TPTE2: variants seen among roughly 807,000 people sequenced by gnomAD.
TPTE2 encodes transmembrane phosphoinositide 3-phosphatase and tensin homolog 2, also known as phosphatidylinositol 3,4,5-trisphosphate 3-phosphatase TPTE2.
Under a neutral mutation model 78.6 loss-of-function variants are expected in TPTE2, and 53 were observed. The observed-to-expected ratio is 0.67, with a 90% CI of 0.54 to 0.85. TPTE2 has a LOEUF of 0.85. Among genes scored for constraint, TPTE2 ranks in the 40% least tolerant of loss-of-function variants. The pLI is 0.00. For missense variants in TPTE2, 461 were observed against 623.0 expected (o/e 0.74, Z 2.77); for synonymous variants, 175 against 206.2 (o/e 0.85, Z 1.30).
chr13:19,426,562 G>C (rs4408395), intron 17 of TPTE2, 45 bp from the exon 21 acceptor site: 1,141,079 of 1,204,942 alleles, frequency 0.95, 543,897 homozygotes, highest in East Asian at 1. Flanking sequence ...CCTAGATAAC[G>C]ATAACAAAAG....
intron 1 of TPTE2, among the ~76,000 whole-genome samples, chr13:19,495,206 G>A (rs1593396461): frequency 1.3e-5 from 1 of 79,004 alleles, no homozygotes; most frequent in East Asian, 8.8e-4. Flanking sequence ...CAAGTAGCTG[G>A]AGGCCTCAAG....
chr13:19,492,910 G>T lies in TPTE2; in HGVS notation c.66-7C>A. 1 of 1,613,936 alleles carries T rather than the reference G, an allele frequency of 6.2e-7. No homozygotes were observed. The highest frequency in any genetic ancestry group is 8.5e-7 in the Non-Finnish European group (1 of 1,179,836). ...AAATTCACTTGTGTGTGGGCTAGAGGATGATAAAAGAATACAGTCAGATAG... is the reference window on the plus strand; with the variant it reads ...AAATTCACTTGTGTGTGGGCTAGAGTATGATAAAAGAATACAGTCAGATAG... On this transcript the variant is annotated splice_polypyrimidine_tract_variant and splice_region_variant and intron_variant, in intron 2 of 19. Coordinates refer to ENST00000400230, the Ensembl canonical transcript of TPTE2.
upstream of TPTE2, among the ~76,000 whole-genome samples, chr13:19,507,165 G>T (rs9506086): frequency 0.93 from 142,033 of 152,156 alleles, 66,590 homozygotes; most frequent in East Asian, 1. Flanking sequence ...CTCCATCATG[G>T]GATAGTGATA....
At chr13:19,502,922 G>T (rs1868717432) in intron 1 of TPTE2, among the ~76,000 whole-genome samples, 1 of 151,158 alleles carries the variant, frequency 6.6e-6, no homozygotes, top group African/African-American at 2.4e-5. Context: ...GCCCTCCTGT[G>T]ACCTGCTCCT....
chr13:19,482,563 A>G lies in TPTE2; in HGVS notation c.120-16T>C. On this transcript the variant is annotated splice_polypyrimidine_tract_variant and intron_variant, in intron 3 of 19. Coordinates refer to ENST00000400230, the Ensembl canonical transcript of TPTE2. ...TTCTAACATACTTTAGCCACCAAAAAAAAATGCAAAAATATATCATTAGAT... is the reference window on the plus strand; with the variant it reads ...TTCTAACATACTTTAGCCACCAAAAGAAAATGCAAAAATATATCATTAGAT... The G allele has an allele frequency of 1.2e-6, 2 of 1,610,242 alleles. No individual in the cohort carries two copies. Among genetic ancestry groups the G allele is most frequent in the Non-Finnish European group, 1.7e-6 (2 of 1,178,682 alleles).
intron 1 of TPTE2, among the ~76,000 whole-genome samples, chr13:19,499,376 C>A (rs1463033925): frequency 6.6e-6 from 1 of 151,250 alleles, no homozygotes; most frequent in African/African-American, 2.4e-5. Flanking sequence ...ACACCTATTC[C>A]AAAATTGACC....
chr13:19,470,921 T>G (rs1339524721), intron 6 of TPTE2, among the ~76,000 whole-genome samples: 1 of 150,970 alleles, frequency 6.6e-6, no homozygotes, highest in African/African-American at 2.4e-5. Flanking sequence ...ATTTATTTAT[T>G]TATTTTTGAG....
At chr13:19,549,666 G>T in the TPTE2 span, among the ~76,000 whole-genome samples, 1 of 80,554 alleles carries the variant, frequency 1.2e-5, no homozygotes, top group African/African-American at 2.8e-5. Context: ...ATGCCCAAAT[G>T]AATATAAATT....
At chr13:19,554,113 C>T in the TPTE2 span, among the ~76,000 whole-genome samples, 4 of 152,058 alleles carry the variant, frequency 2.6e-5, no homozygotes, top group African/African-American at 4.8e-5. Context: ...TGGTGGCTCA[C>T]GCCTGTAATC....
chr13:19,436,297 A>T, exon 15 of TPTE2: 1 of 1,612,970 alleles, frequency 6.2e-7, no homozygotes, highest in East Asian at 2.2e-5. Flanking sequence ...CCAAAATAAT[A>T]TAGGCTTTCC....
At chr13:19,528,160 T>C (rs1262178414) in intron 1 of TPTE2, among the ~76,000 whole-genome samples, 1 of 152,020 alleles carries the variant, frequency 6.6e-6, no homozygotes, top group African/African-American at 2.4e-5. Flanking sequence ...GGCAGGTGGA[T>C]TACCTGAGGT....
At chr13:19,506,320 C>T (rs541502691), upstream of TPTE2, among the ~76,000 whole-genome samples, 2 of 149,886 alleles carry the variant, frequency 1.3e-5, no homozygotes, top group African/African-American at 2.4e-5. Flanking sequence ...TACAGGCGCC[C>T]GCCACTACGC....
At chr13:19,481,424 T>C (rs527900802) in intron 4 of TPTE2, among the ~76,000 whole-genome samples, 2 of 152,320 alleles carry the variant, frequency 1.3e-5, no homozygotes, top group East Asian at 3.9e-4. Context: ...ATCAGGTGAA[T>C]GAATATATGA....
chr13:19,546,955 A>G, the TPTE2 span, among the ~76,000 whole-genome samples: 1 of 152,184 alleles, frequency 6.6e-6, no homozygotes, highest in Non-Finnish European at 1.5e-5. Flanking sequence ...ATTTAACCAG[A>G]ATCGAAAAAT....
intron 3 of TPTE2, among the ~76,000 whole-genome samples, chr13:19,484,738 G>C (rs1232066877): frequency 6.6e-6 from 1 of 151,992 alleles, no homozygotes; most frequent in Non-Finnish European, 1.5e-5. Flanking sequence ...AAATAATCTT[G>C]TTTGTCCATT....
At chr13:19,548,136 A>C in the TPTE2 span, among the ~76,000 whole-genome samples, 1 of 152,208 alleles carries the variant, frequency 6.6e-6, no homozygotes. Flanking sequence ...TGGTACAACA[A>C]ATAAAGGGTG....
intron 1 of TPTE2, among the ~76,000 whole-genome samples, chr13:19,513,600 T>A (rs1377964850): frequency 6.6e-6 from 1 of 152,224 alleles, no homozygotes; most frequent in Non-Finnish European, 1.5e-5. Context: ...AAATTGGCTA[T>A]GATTGCGCTA....
At chr13:19,534,433 A>C (rs1054899297) in intron 1 of TPTE2, among the ~76,000 whole-genome samples, 2 of 152,188 alleles carry the variant, frequency 1.3e-5, no homozygotes, top group Non-Finnish European at 2.9e-5. Flanking sequence ...AACTTTCTGT[A>C]CCACATTCAA....
At chr13:19,546,468 T>G in the TPTE2 span, among the ~76,000 whole-genome samples, 3,878 of 137,040 alleles carry the variant, frequency 0.028, 190 homozygotes, top group African/African-American at 0.095. Context: ...GATTTTTGGG[T>G]TTTTTTTTCT....
Sources: allele counts gnomAD v4.1 joint callset (sites outside exome capture counted in the v4.1 genomes callset), GRCh38; gene constraint gnomAD v4.1.1; transcripts MANE v1.5; gene names NCBI Gene and HGNC (gene_info 2026-07-23, HGNC 2026-07-21).